COG4: variants seen among roughly 807,000 people sequenced by gnomAD.
COG4 encodes the protein conserved oligomeric Golgi complex subunit 4.
A neutral mutation model predicts 95.1 loss-of-function variants in COG4; 65 were observed. The ratio of observed to expected loss-of-function variants is 0.68; its 90% CI spans 0.56 to 0.84. The LOEUF is 0.84. Ranked by LOEUF, COG4 falls within the 40% of genes least tolerant of loss-of-function variation. The probability of loss-of-function intolerance (pLI) is 0.00; values close to 1 mark genes in which losing one functional copy is unlikely to be tolerated. For missense variants in COG4, 1,045 were observed against 989.1 expected (o/e 1.06, Z -0.76); for synonymous variants, 421 against 374.8 (o/e 1.12, Z -1.42).
At chr16:70,521,851 G>C (rs1383285678) in intron 1 of COG4, among the ~76,000 whole-genome samples, 1 of 151,138 alleles carries the variant, frequency 6.6e-6, no homozygotes, top group Non-Finnish European at 1.5e-5. Context: ...ACAGGCGCCC[G>C]CCACCACGCC....
intron 12 of COG4, among the ~76,000 whole-genome samples, chr16:70,495,678 T>C (rs1004729991): frequency 1.3e-5 from 2 of 152,214 alleles, no homozygotes; most frequent in African/African-American, 4.8e-5. Context: ...TTCTGGCTCA[T>C]CACAAACTGG....
chr16:70,506,462 C>T (rs1005814187), intron 8 of COG4, among the ~76,000 whole-genome samples: 1 of 150,354 alleles, frequency 6.7e-6, no homozygotes, highest in Non-Finnish European at 1.5e-5. Flanking sequence ...CGTGGTGGCA[C>T]CTGCCTACAG....
intron 8 of COG4, among the ~76,000 whole-genome samples, chr16:70,504,908 C>CA (rs59742070): frequency 0.023 from 2,527 of 108,888 alleles, 35 homozygotes; most frequent in African/African-American, 0.035. Flanking sequence ...AAGACTGTCT[C>CA]AAAAAAAAAA....
At chr16:70,519,963 C>G (rs1051922724) in intron 1 of COG4, among the ~76,000 whole-genome samples, 1 of 152,132 alleles carries the variant, frequency 6.6e-6, no homozygotes, top group African/African-American at 2.4e-5. Context: ...AAGAAATAAA[C>G]TTTTAATCAG....
chr16:70,499,953 C>A (rs1427056226), intron 9 of COG4, among the ~76,000 whole-genome samples: 4 of 152,030 alleles, frequency 2.6e-5, no homozygotes, highest in African/African-American at 4.8e-5. Context: ...AGCCACCGCG[C>A]CCGACCTAAA....
chr16:70,497,183 C>T, intron 11 of COG4, 38 bp downstream of exon 11: 1 of 1,603,272 alleles, frequency 6.2e-7, no homozygotes, highest in South Asian at 1.1e-5. Flanking sequence ...ACAGGAAGGG[C>T]CTTTCTGCCT....
chr16:70,510,091 C>T, intron 5 of COG4, 70 bp from the exon 6 acceptor site: 1 of 1,295,310 alleles, frequency 7.7e-7, no homozygotes, highest in South Asian at 1.2e-5. Flanking sequence ...TCTCAGTTTT[C>T]CAAAAATCCT....
Position 70,496,320 on chromosome 16 carries a change from G to T in COG4, c.1593C>A (p.Gly531=), listed in dbSNP as rs755998441. 3 of 1,614,172 alleles carry T rather than the reference G, an allele frequency of 1.9e-6. No individual in the cohort carries two copies. The highest frequency in any genetic ancestry group is 2.2e-5 in the South Asian group (2 of 91,078). ...TCTCGATGCCTTTTGTGTCAAATTT[G>T]CCTTGCTGGAGGCTGCTGTGCATGA... The part of the protein sequence containing the change: ...VNIMHSSLQQ[G]KFDTKGIEST... Residue 531 remains glycine (G), a synonymous_variant, in exon 12 of 19, where the codon GGC becomes GGA. Coordinates refer to ENST00000323786, the MANE Select transcript of COG4 (RefSeq NM_015386.3).
At chr16:70,505,041 C>T (rs979629220) in intron 8 of COG4, among the ~76,000 whole-genome samples, 5 of 151,996 alleles carry the variant, frequency 3.3e-5, no homozygotes, top group African/African-American at 4.8e-5. Context: ...TATGTATTAG[C>T]TATTGCTATT....
In COG4 at chr16:70,482,055, G is replaced by A. The variant is rs376462308; in HGVS notation, c.2004+37C>T. 17 of 1,554,888 alleles carry A rather than the reference G, an allele frequency of 1.1e-5. No individual in the cohort carries two copies. The African/African-American group carries it at 1.6e-4, about 15-fold the overall frequency. On this transcript the variant is annotated intron_variant, in intron 16 of 18. Coordinates refer to ENST00000323786, the MANE Select transcript of COG4 (RefSeq NM_015386.3). ...AGGCTGCTGGTTTGGGCTGACGTGG[G>A]TAATTCCCTAAGTGGATCCCTAGGG...
At chr16:70,517,212 G>C (rs1245319716) in intron 3 of COG4, among the ~76,000 whole-genome samples, 1 of 152,080 alleles carries the variant, frequency 6.6e-6, no homozygotes, top group African/African-American at 2.4e-5. Context: ...TAGACATTTT[G>C]ATGTTGTAGT....
At position 70,510,031 on chromosome 16, in the gene COG4, G is replaced by A; in HGVS notation, c.739-10C>T. On this transcript the variant is annotated splice_polypyrimidine_tract_variant and intron_variant, in intron 5 of 18. Transcript: ENST00000323786. The stretch of plus-strand genomic sequence containing the variant: ...CAGCTTTACTGGCCACCTAAAAAAG[G>A]AGAAAACCCACACACATTCCTCAGA... 2 of 1,609,348 alleles carry A rather than the reference G, an allele frequency of 1.2e-6. No individual in the cohort carries two copies. Among genetic ancestry groups the A allele is most frequent in the African/African-American group, 1.3e-5 (1 of 74,962 alleles).
intron 12 of COG4, among the ~76,000 whole-genome samples, chr16:70,495,926 G>A (rs2049331055): frequency 6.6e-6 from 1 of 152,208 alleles, no homozygotes; most frequent in Non-Finnish European, 1.5e-5. Flanking sequence ...GCAGTCTGGT[G>A]GTCTGGCACA....
At chr16:70,487,477 A>C (rs2049162642) in intron 13 of COG4, among the ~76,000 whole-genome samples, 1 of 151,938 alleles carries the variant, frequency 6.6e-6, no homozygotes, top group Admixed American at 6.6e-5. Flanking sequence ...GGTGCTTATA[A>C]TCCCAGCTAC....
chr16:70,515,055 G>T lies in COG4; in HGVS notation c.370-546C>A, dbSNP rs1414420544. 2.4e-4 allele frequency among the ~76,000 whole-genome samples: 34 copies of T among 141,438 alleles called. 1 individual carries two copies. The highest frequency in any genetic ancestry group is 4.6e-4 in the African/African-American group (17 of 36,932). 92.8% of individuals were successfully genotyped at this position (141,438 alleles called of 152,430 possible). A position where few individuals can be genotyped will look rare whatever the true frequency, so the allele number is the denominator to read the frequency against. On this transcript the variant is annotated intron_variant, in intron 3 of 18. Transcript: ENST00000323786. ...TCTTGAGACAGAGTCTCACTCTGTT[G>T]CCCAGGCTAGAGTACAGTGGTGCAA...
intron 8 of COG4, among the ~76,000 whole-genome samples, chr16:70,507,393 A>G (rs1364982702): frequency 6.6e-6 from 1 of 152,196 alleles, no homozygotes; most frequent in Non-Finnish European, 1.5e-5. Context: ...TAGATATACA[A>G]GTACTTACCA....
chr16:70,487,201 G>C (rs944357790), intron 13 of COG4, among the ~76,000 whole-genome samples: 1 of 151,448 alleles, frequency 6.6e-6, no homozygotes, highest in African/African-American at 2.4e-5. Flanking sequence ...TGAGGCAGGA[G>C]AATCGCAGAG....
chr16:70,494,711 A>G (rs996525911), intron 12 of COG4, among the ~76,000 whole-genome samples: 1 of 152,200 alleles, frequency 6.6e-6, no homozygotes. Context: ...GCCAATGATT[A>G]TTTCTGAGCA....
chr16:70,523,015 A>C (rs1597698699), intron 1 of COG4: 1 of 290,090 alleles, frequency 3.4e-6, no homozygotes, highest in East Asian at 8.0e-5. Flanking sequence ...CATAATTTGT[A>C]AATTAAGCCA....
Sources: allele counts gnomAD v4.1 joint callset (sites outside exome capture counted in the v4.1 genomes callset), GRCh38; gene constraint gnomAD v4.1.1; transcripts MANE v1.5; gene names NCBI Gene and HGNC (gene_info 2026-07-23, HGNC 2026-07-21).